Variants in CGNL1 observed in about 807,000 individuals in gnomAD.
CGNL1 encodes the protein cingulin-like protein 1.
A neutral mutation model predicts 141.2 loss-of-function variants in CGNL1; 132 were observed. That is an observed-to-expected ratio of 0.93 (90% CI 0.81 to 1.08). The LOEUF (loss-of-function observed/expected upper bound fraction) is 1.08. CGNL1 is among the 50% of genes least tolerant of loss of function. The probability of loss-of-function intolerance (pLI) is 0.00; values close to 1 mark genes in which losing one functional copy is unlikely to be tolerated. For missense variants in CGNL1, 1,870 were observed against 1,588.6 expected (o/e 1.18, Z -3.01); for synonymous variants, 690 against 622.1 (o/e 1.11, Z -1.63).
chr15:57,444,654 T>C lies in CGNL1; in HGVS notation c.1803+2176T>C, dbSNP rs148091321. Among the ~76,000 whole-genome samples, 175 of 152,182 alleles carry C rather than the reference T, an allele frequency of 1.1e-3. 1 individual carries two copies. The South Asian group carries it at 0.021, about 19-fold the overall frequency. Reference sequence around the variant, plus strand: ...GGTGCCCCAAGAGATCATAGAATTATTTGTGAGAAGAAGGGAAGCTGGGGT... The same window carrying C: ...GGTGCCCCAAGAGATCATAGAATTACTTGTGAGAAGAAGGGAAGCTGGGGT... On this transcript the variant is annotated intron_variant, in intron 4 of 18. Transcript: ENST00000281282.
intron 18 of CGNL1, among the ~76,000 whole-genome samples, chr15:57,546,648 G>T (rs1375717120): frequency 2.0e-5 from 3 of 152,172 alleles, no homozygotes; most frequent in Admixed American, 2.0e-4. Context: ...CCCAAGCCTG[G>T]TTTCCAGGAG....
At chr15:57,474,652 T>C (rs1370110662) in intron 8 of CGNL1, among the ~76,000 whole-genome samples, 1 of 152,256 alleles carries the variant, frequency 6.6e-6, no homozygotes, top group Admixed American at 6.5e-5. Flanking sequence ...TCTCTGTTTT[T>C]ATTTCCTCTC....
chr15:57,454,136 T>A (rs1047847523), intron 7 of CGNL1, among the ~76,000 whole-genome samples: 2 of 152,170 alleles, frequency 1.3e-5, no homozygotes, highest in Non-Finnish European at 2.9e-5. Flanking sequence ...ATAAGTATAA[T>A]TGAGGGTCAG....
At chr15:57,419,174 C>T (rs907673325) in intron 1 of CGNL1, among the ~76,000 whole-genome samples, 5 of 152,172 alleles carry the variant, frequency 3.3e-5, no homozygotes, top group African/African-American at 1.2e-4. Flanking sequence ...TTGTGATCCA[C>T]CTGCCTCGGC....
chr15:57,467,629 G>C (rs1257526961), intron 8 of CGNL1, among the ~76,000 whole-genome samples: 3 of 149,116 alleles, frequency 2.0e-5, no homozygotes, highest in African/African-American at 7.4e-5. Context: ...ATGATATTAA[G>C]AAACTAAACA....
intron 1 of CGNL1, among the ~76,000 whole-genome samples, chr15:57,404,202 C>T (rs79446463): frequency 0.15 from 23,296 of 152,202 alleles, 1,972 homozygotes; most frequent in Non-Finnish European, 0.2. Context: ...GCTTATTTCT[C>T]TCACTTGCTT....
chr15:57,530,511 G>C (rs888918738), intron 13 of CGNL1, among the ~76,000 whole-genome samples: 1 of 152,220 alleles, frequency 6.6e-6, no homozygotes, highest in Non-Finnish European at 1.5e-5. Context: ...CTCTCCTAAC[G>C]ACGGACATTT....
intron 1 of CGNL1, among the ~76,000 whole-genome samples, chr15:57,416,638 G>A (rs1183461787): frequency 1.3e-5 from 2 of 152,192 alleles, no homozygotes; most frequent in African/African-American, 4.8e-5. Flanking sequence ...GTATCACAGT[G>A]TCCTAGGAAC....
intron 8 of CGNL1, among the ~76,000 whole-genome samples, chr15:57,508,443 A>C (rs1364461908): frequency 2.0e-5 from 3 of 152,216 alleles, no homozygotes; most frequent in Non-Finnish European, 2.9e-5. Flanking sequence ...ATCACTTTAC[A>C]TTACTAAAAT....
At chr15:57,489,180 G>A (rs973131532) in intron 8 of CGNL1, among the ~76,000 whole-genome samples, 4 of 152,178 alleles carry the variant, frequency 2.6e-5, no homozygotes, top group Admixed American at 6.5e-5. Context: ...AGTTACTGAT[G>A]TTACAAATTA....
At position 57,442,429 on chromosome 15, in the gene CGNL1, T is replaced by C. The variant is rs2063201413; in HGVS notation, c.1754T>C (p.Ile585Thr). 1.9e-6 allele frequency: 3 copies of C among 1,613,770 alleles called. No individual in the cohort carries two copies. Among genetic ancestry groups the C allele is most frequent in the Non-Finnish European group, 2.5e-6 (3 of 1,179,804 alleles). Reference sequence around the variant, plus strand: ...AAAGTCAACTTGGTCTTTGAGAAAATCCAGACCTTAAAGTCTCGAGCAGCT... The same window carrying C: ...AAAGTCAACTTGGTCTTTGAGAAAACCCAGACCTTAAAGTCTCGAGCAGCT... ...KRKVNLVFEK[I>T]QTLKSRAAGS... The change falls in exon 4 of 19, where the codon ATC (isoleucine) becomes ACC (threonine). Residue 585 changes from isoleucine to threonine, a missense_variant. Physicochemically the swap from Ile to Thr is moderately conservative, Grantham distance 89 (BLOSUM62 -1). Transcript: ENST00000281282.
intron 1 of CGNL1, among the ~76,000 whole-genome samples, chr15:57,377,582 A>G (rs1037310616): frequency 4.6e-5 from 7 of 151,840 alleles, no homozygotes; most frequent in African/African-American, 1.7e-4. Context: ...TCCCTAATCC[A>G]CCTCTCCACC....
chr15:57,534,100 A>C (rs1484013164), intron 14 of CGNL1, among the ~76,000 whole-genome samples: 1 of 152,236 alleles, frequency 6.6e-6, no homozygotes, highest in Non-Finnish European at 1.5e-5. Context: ...AGAAGGTTTC[A>C]TACATCCAGA....
chr15:57,434,475 T>C (rs1282520707), intron 1 of CGNL1, among the ~76,000 whole-genome samples: 1 of 152,172 alleles, frequency 6.6e-6, no homozygotes, highest in Non-Finnish European at 1.5e-5. Flanking sequence ...AAATATTTTA[T>C]AGAACTAAAG....
intron 1 of CGNL1, among the ~76,000 whole-genome samples, chr15:57,382,546 C>T (rs759928280): frequency 3.3e-5 from 5 of 152,204 alleles, no homozygotes; most frequent in African/African-American, 1.2e-4. Context: ...GTCTGTAAAG[C>T]TCCTCGACTG....
intron 1 of CGNL1, among the ~76,000 whole-genome samples, chr15:57,387,418 A>AT (rs1457350459): frequency 6.6e-6 from 1 of 151,798 alleles, no homozygotes; most frequent in Non-Finnish European, 1.5e-5. Flanking sequence ...GGCCAGCCTT[A>AT]TTTTTTCCAC....
chr15:57,492,875 C>T lies in CGNL1; in HGVS notation c.2404-23905C>T, dbSNP rs185554238. ...ACTGTCATCTCTACATGCCTCAGGC[C>T]CACACATCACTGAAGAAGAAACAAT... On this transcript the variant is annotated intron_variant, in intron 8 of 18. Transcript: ENST00000281282. 6.6e-5 allele frequency among the ~76,000 whole-genome samples: 10 copies of T among 152,282 alleles called. No homozygotes were observed. The East Asian group carries it at 1.7e-3, about 26-fold the overall frequency.
chr15:57,485,780 A>T (rs1161405692), intron 8 of CGNL1, among the ~76,000 whole-genome samples: 1 of 152,212 alleles, frequency 6.6e-6, no homozygotes, highest in Non-Finnish European at 1.5e-5. Context: ...CCTCTCTCAC[A>T]ATACATTTGG....
rs1301109896 is a variant in CGNL1 at position 57,550,468 on chromosome 15, T to C, written c.*2978T>C. ...TTAAAAAGAAAACATATATTTTATG[T>C]AAAAACACATACATGGCCAAATGCA... On this transcript the variant is annotated 3_prime_UTR_variant, in exon 19 of 19. Transcript: ENST00000281282. 1.3e-5 allele frequency: 2 copies of C among 152,688 alleles called. No individual in the cohort carries two copies. Among genetic ancestry groups the C allele is most frequent in the Non-Finnish European group, 2.9e-5 (2 of 68,048 alleles). The allele number at this position is 152,688 out of a possible 1,614,324, so 9.5% of individuals were successfully genotyped here.
Sources: gnomAD v4.1 joint callset for allele counts (sites outside exome capture counted in the v4.1 genomes callset) on GRCh38, gnomAD v4.1.1 for gene constraint, MANE v1.5 for transcripts, NCBI Gene and HGNC (gene_info 2026-07-23, HGNC 2026-07-21) for gene names.